The following PPP2R2B variants were observed in gnomAD, a reference collection of about 807,000 sequenced individuals.
PPP2R2B encodes the protein serine/threonine-protein phosphatase 2A 55 kDa regulatory subunit B beta isoform.
A neutral mutation model predicts 46.0 loss-of-function variants in PPP2R2B; 5 were observed. The ratio of observed to expected loss-of-function variants is 0.11; its 90% CI spans 0.06 to 0.23. The LOEUF is 0.23. PPP2R2B is among the 10% of genes least tolerant of loss of function. The pLI, the probability that PPP2R2B is intolerant of heterozygous loss-of-function variation, is 1.00. For missense variants in PPP2R2B, 367 were observed against 575.0 expected (o/e 0.64, Z 3.70); for synonymous variants, 215 against 206.7 (o/e 1.04, Z -0.34).
chr5:146,992,322 A>G (rs572273073), intron 1 of PPP2R2B, among the ~76,000 whole-genome samples: 10 of 152,346 alleles, frequency 6.6e-5, no homozygotes, highest in African/African-American at 2.2e-4. Flanking sequence ...TTTATTTCTA[A>G]AAGATATTTT....
At chr5:146,842,762 T>C (rs1388713137) in intron 2 of PPP2R2B, among the ~76,000 whole-genome samples, 1 of 152,210 alleles carries the variant, frequency 6.6e-6, no homozygotes, top group Non-Finnish European at 1.5e-5. Flanking sequence ...TGTTCCTGCA[T>C]CAGTTTGCTA....
chr5:146,621,613 C>T (rs189011931), intron 7 of PPP2R2B, among the ~76,000 whole-genome samples: 53 of 152,112 alleles, frequency 3.5e-4, no homozygotes, highest in African/African-American at 9.9e-4. Flanking sequence ...CAGAGTGGAG[C>T]CATCTCTTTA....
chr5:146,884,508 G>A (rs1762263906), intron 1 of PPP2R2B, among the ~76,000 whole-genome samples: 1 of 152,128 alleles, frequency 6.6e-6, no homozygotes. Flanking sequence ...AGGTTCTATT[G>A]TGACCTTAGT....
At chr5:147,020,850 C>T (rs1040029897) in intron 1 of PPP2R2B, among the ~76,000 whole-genome samples, 2 of 152,058 alleles carry the variant, frequency 1.3e-5, no homozygotes, top group East Asian at 3.9e-4. Context: ...CACATCAAAC[C>T]AAGCAAATTC....
At chr5:146,789,485 A>G (rs554876059) in intron 2 of PPP2R2B, among the ~76,000 whole-genome samples, 49 of 152,304 alleles carry the variant, frequency 3.2e-4, no homozygotes, top group African/African-American at 1.2e-3. Context: ...GAAACAGCCA[A>G]AGAAATAAAA....
chr5:146,688,767 C>T (rs1561834262), intron 5 of PPP2R2B, among the ~76,000 whole-genome samples: 1 of 151,948 alleles, frequency 6.6e-6, no homozygotes, highest in African/African-American at 2.4e-5. Context: ...ATATGAAATC[C>T]CATAGGATGC....
chr5:146,633,040 A>C (rs899806774), intron 7 of PPP2R2B, among the ~76,000 whole-genome samples: 4 of 152,268 alleles, frequency 2.6e-5, no homozygotes, highest in Middle Eastern at 3.4e-3. Context: ...GGAAAGGGGA[A>C]AGAATAATCC....
At chr5:146,729,068 A>C (rs1481756336) in intron 2 of PPP2R2B, among the ~76,000 whole-genome samples, 2 of 152,166 alleles carry the variant, frequency 1.3e-5, no homozygotes, top group African/African-American at 4.8e-5. Context: ...AAAGTTTGGA[A>C]CTTCCTAGAG....
intron 7 of PPP2R2B, among the ~76,000 whole-genome samples, chr5:146,634,778 ACACACC>A (rs1389065660): frequency 1.2e-4 from 17 of 147,110 alleles, no homozygotes; most frequent in African/African-American, 4.3e-4. Flanking sequence ...ACACACACAC[ACACACC>A]CCCTACTGGT....
intron 1 of PPP2R2B, among the ~76,000 whole-genome samples, chr5:147,018,043 G>A (rs12515825): frequency 0.021 from 1,035 of 48,262 alleles, 17 homozygotes; most frequent in African/African-American, 0.085. Flanking sequence ...GCATGCGCGC[G>A]CACACACACA....
chr5:146,747,513 G>A (rs891139842), intron 2 of PPP2R2B, among the ~76,000 whole-genome samples: 2 of 152,084 alleles, frequency 1.3e-5, no homozygotes, highest in South Asian at 2.1e-4. Flanking sequence ...ATAGCATGAG[G>A]GAACTTACCA....
At chr5:146,620,629 T>C (rs1474456909) in intron 7 of PPP2R2B, among the ~76,000 whole-genome samples, 1 of 152,150 alleles carries the variant, frequency 6.6e-6, no homozygotes, top group Non-Finnish European at 1.5e-5. Flanking sequence ...TACACATTCC[T>C]ACAGCCAGTG....
chr5:146,688,380 A>G (rs1284838429), intron 5 of PPP2R2B, among the ~76,000 whole-genome samples: 2 of 151,402 alleles, frequency 1.3e-5, no homozygotes, highest in African/African-American at 4.9e-5. Flanking sequence ...GTGACCGCAG[A>G]CCCCCTTGTC....
At chr5:146,747,910 G>A (rs376282867) in intron 2 of PPP2R2B, among the ~76,000 whole-genome samples, 1 of 152,102 alleles carries the variant, frequency 6.6e-6, no homozygotes, top group Non-Finnish European at 1.5e-5. Context: ...GATACGAAGG[G>A]TGATATGAAC....
intron 1 of PPP2R2B, among the ~76,000 whole-genome samples, chr5:147,034,815 C>T (rs998810434): frequency 6.6e-5 from 10 of 152,128 alleles, no homozygotes; most frequent in Admixed American, 6.5e-4. Flanking sequence ...ATTAGTTTCT[C>T]AAGACCACAA....
At chr5:146,647,725 A>C (rs1775682142) in intron 6 of PPP2R2B, among the ~76,000 whole-genome samples, 1 of 152,168 alleles carries the variant, frequency 6.6e-6, no homozygotes, top group South Asian at 2.1e-4. Context: ...AAAACATGTC[A>C]CCTAGACTGG....
At chr5:146,915,721 T>C (rs1055742096) in intron 1 of PPP2R2B, among the ~76,000 whole-genome samples, 10 of 152,204 alleles carry the variant, frequency 6.6e-5, no homozygotes, top group African/African-American at 2.2e-4. Context: ...TTGGTTTATA[T>C]ATTATGCTGC....
In PPP2R2B at chr5:146,586,619, T is replaced by C. The variant is rs912643861; in HGVS notation, c.*3328A>G. 6.6e-6 allele frequency: 1 copy of C among 152,226 alleles called. No homozygotes were observed. Among genetic ancestry groups the C allele is most frequent in the South Asian group, 2.1e-4 (1 of 4,830 alleles). The allele number at this position is 152,226 out of a possible 1,614,324, so 9.4% of individuals were successfully genotyped here. A position where few individuals can be genotyped will look rare whatever the true frequency, so the allele number is the denominator to read the frequency against. Reference sequence around the variant, plus strand: ...GAGCTAGCAGAATTTTAGCTTCATCTTTATTCCACCTTGCAATTGTTCCAT... The same window carrying C: ...GAGCTAGCAGAATTTTAGCTTCATCCTTATTCCACCTTGCAATTGTTCCAT... On this transcript the variant is annotated 3_prime_UTR_variant, in exon 10 of 10. Transcript: ENST00000394411.
chr5:146,843,056 G>A (rs963982020), intron 2 of PPP2R2B, among the ~76,000 whole-genome samples: 8 of 152,152 alleles, frequency 5.3e-5, no homozygotes, highest in African/African-American at 1.4e-4. Flanking sequence ...GCGTGATGGC[G>A]CATGCCTGTA....
Sources: allele counts gnomAD v4.1 joint callset (sites outside exome capture counted in the v4.1 genomes callset), GRCh38; gene constraint gnomAD v4.1.1; transcripts MANE v1.5; gene names NCBI Gene and HGNC (gene_info 2026-07-23, HGNC 2026-07-21).